The following FANCC variants were observed in gnomAD, a reference collection of about 807,000 sequenced individuals.
The protein encoded by FANCC is FA complementation group C.
Under a neutral mutation model 71.3 loss-of-function variants are expected in FANCC, and 55 were observed. That is an observed-to-expected ratio of 0.77 (90% confidence interval 0.62 to 0.97). The LOEUF is 0.97. Among genes scored for constraint, FANCC ranks in the 50% least tolerant of loss-of-function variants. The pLI is 0.00. For missense variants in FANCC, 678 were observed against 670.9 expected, an observed-to-expected ratio of 1.01 and a Z score of -0.12; for synonymous variants, 275 against 244.9, an observed-to-expected ratio of 1.12 and a Z score of -1.15.
chr9:95,317,662 G>A lies in FANCC; in HGVS notation c.-215C>T, dbSNP rs1173057501. ...GTTTTTTTGGAATTTTCCCGCGGTC[G>A]CCCGGCAGTGGAGCCGCGCGCGCGC... On this transcript the variant is annotated 5_prime_UTR_variant, in exon 1 of 15. Transcript: ENST00000289081. 2 of 152,208 alleles carry A rather than the reference G, an allele frequency of 1.3e-5. No homozygotes were observed. Among genetic ancestry groups the A allele is most frequent in the South Asian group, 2.1e-4 (1 of 4,838 alleles). 9.4% of individuals were successfully genotyped at this position (152,208 alleles called of 1,614,324 possible).
intron 4 of FANCC, among the ~76,000 whole-genome samples, chr9:95,215,136 G>T (rs1828777759): frequency 6.6e-6 from 1 of 152,146 alleles, no homozygotes; most frequent in Non-Finnish European, 1.5e-5. Context: ...AAACTTACCA[G>T]TTCAAAGACA....
intron 3 of FANCC, 72 bp downstream of exon 3, chr9:95,247,360 T>A: frequency 9.0e-7 from 1 of 1,107,618 alleles, no homozygotes; most frequent in Non-Finnish European, 1.4e-6. Flanking sequence ...GAAAGGTTCA[T>A]AATGTAAGCC....
In FANCC at chr9:95,149,954, A is replaced by G; in HGVS notation, c.655T>C (p.Phe219Leu). The G allele has an allele frequency of 6.2e-7, 1 of 1,610,852 alleles. No individual in the cohort carries two copies. The highest frequency in any genetic ancestry group is 8.5e-7 in the Non-Finnish European group (1 of 1,178,646). The part of the protein sequence containing the change: ...REPQEILQPE[F>L]FEAVNEAILL... ...ATGGCCTCGTTTACAGCCTCAAAGA[A>G]CTCTGGCTGGAGGATTTCCTGAGGT... The change falls in exon 7 of 15, where the codon TTC becomes CTC. Residue 219 changes from phenylalanine (F) to leucine (L), a missense_variant. Transcript: ENST00000289081.
chr9:95,300,881 C>T (rs971487085), intron 1 of FANCC, among the ~76,000 whole-genome samples: 5 of 152,204 alleles, frequency 3.3e-5, no homozygotes, highest in Middle Eastern at 3.4e-3. Flanking sequence ...AAGATAACTC[C>T]GCAGCAGGCC....
At chr9:95,291,023 C>A (rs917119886) in intron 1 of FANCC, among the ~76,000 whole-genome samples, 1 of 152,022 alleles carries the variant, frequency 6.6e-6, no homozygotes, top group Admixed American at 6.5e-5. Flanking sequence ...TGACAAAATT[C>A]GACATCTTTC....
intron 1 of FANCC, among the ~76,000 whole-genome samples, chr9:95,278,804 G>A (rs567212322): frequency 3.0e-3 from 16 of 5,406 alleles, no homozygotes; most frequent in East Asian, 0.021. Flanking sequence ...ATTATTCTAC[G>A]GCAAACTCTA....
rs71366277 is a variant in FANCC at position 95,161,842 on chromosome 9, C to CTT, written c.521+9235_521+9236dup. 1.5e-3 allele frequency among the ~76,000 whole-genome samples: 168 copies of CTT among 110,748 alleles called. 2 individuals carry two copies. The highest frequency in any genetic ancestry group is 4.9e-3 in the African/African-American group (153 of 31,436). The allele number at this position is 110,748 out of a possible 152,430, so 72.7% of individuals were successfully genotyped here. ...TTCTACTTTCTGCTTCTTTTCTTTTCTTTTTTTTTTTTTTTTTGAGACATA... is the reference window on the plus strand; with the variant it reads ...TTCTACTTTCTGCTTCTTTTCTTTTCTTTTTTTTTTTTTTTTTTTGAGACATA... On this transcript the variant is annotated intron_variant, in intron 6 of 14. Transcript: ENST00000289081.
At chr9:95,234,398 A>G (rs1830179897) in intron 4 of FANCC, among the ~76,000 whole-genome samples, 1 of 152,248 alleles carries the variant, frequency 6.6e-6, no homozygotes, top group Non-Finnish European at 1.5e-5. Flanking sequence ...GTGGCCATTG[A>G]GATTCTCACC....
chr9:95,171,894 A>G (rs964922391), intron 5 of FANCC, 143 bp downstream of exon 5: 5 of 660,188 alleles, frequency 7.6e-6, no homozygotes, highest in Admixed American at 2.4e-5. Context: ...GTACATGGCC[A>G]TAAGTCTGCC....
At chr9:95,286,553 A>G (rs940194799) in intron 1 of FANCC, among the ~76,000 whole-genome samples, 1 of 152,250 alleles carries the variant, frequency 6.6e-6, no homozygotes, top group Non-Finnish European at 1.5e-5. Context: ...AATCTTTGAA[A>G]CATTTTATAG....
chr9:95,204,672 T>C (rs1005023888), intron 4 of FANCC, among the ~76,000 whole-genome samples: 4 of 152,196 alleles, frequency 2.6e-5, no homozygotes, highest in Admixed American at 6.5e-5. Context: ...ACTCCAAATG[T>C]TGACTTCGAA....
chr9:95,179,323 T>C (rs1234512884), intron 4 of FANCC, among the ~76,000 whole-genome samples: 2 of 152,240 alleles, frequency 1.3e-5, no homozygotes, highest in African/African-American at 2.4e-5. Flanking sequence ...CATTAAAATC[T>C]GGATTTAAAA....
Position 95,197,451 on chromosome 9 carries a change from A to G in FANCC, c.346-25304T>C, listed in dbSNP as rs530342389. 4.6e-5 allele frequency among the ~76,000 whole-genome samples: 7 copies of G among 152,232 alleles called. No individual in the cohort carries two copies. In the South Asian group the frequency reaches 1.5e-3, roughly 32 times the overall value. ...CTACTTGAGAAGCTGAGGTTGGAGGACTGCTTGGGTCTGGGAGGTCAAGGC... is the reference window on the plus strand; with the variant it reads ...CTACTTGAGAAGCTGAGGTTGGAGGGCTGCTTGGGTCTGGGAGGTCAAGGC... On this transcript the variant is annotated intron_variant, in intron 4 of 14. Transcript: ENST00000289081.
intron 1 of FANCC, among the ~76,000 whole-genome samples, chr9:95,252,020 G>C (rs1250986012): frequency 6.6e-6 from 1 of 152,186 alleles, no homozygotes; most frequent in East Asian, 1.9e-4. Flanking sequence ...GCTCACACCT[G>C]TAATCCCAGA....
intron 1 of FANCC, among the ~76,000 whole-genome samples, chr9:95,275,661 A>C (rs1172905871): frequency 6.6e-6 from 1 of 152,178 alleles, no homozygotes; most frequent in Non-Finnish European, 1.5e-5. Context: ...TGCTCTAAAA[A>C]ATAGTCTATT....
At chr9:95,247,564 A>G in intron 2 of FANCC, 48 bp from the exon 3 acceptor site, 4 of 1,177,118 alleles carry the variant, frequency 3.4e-6, no homozygotes, top group Non-Finnish European at 5.1e-6. Flanking sequence ...TATGCAACTT[A>G]GAAATACTGA....
chr9:95,208,670 G>A (rs765053471), intron 4 of FANCC, among the ~76,000 whole-genome samples: 1 of 152,130 alleles, frequency 6.6e-6, no homozygotes, highest in Non-Finnish European at 1.5e-5. Context: ...TCAGGGAAAT[G>A]CAAATTAAAA....
chr9:95,273,148 G>A (rs1193119632), intron 1 of FANCC, among the ~76,000 whole-genome samples: 2 of 152,224 alleles, frequency 1.3e-5, no homozygotes, highest in Non-Finnish European at 2.9e-5. Context: ...ATGAAATGAC[G>A]TAGGCATTCT....
intron 1 of FANCC, among the ~76,000 whole-genome samples, chr9:95,298,839 G>C (rs1327551855): frequency 6.6e-6 from 1 of 152,170 alleles, no homozygotes; most frequent in African/African-American, 2.4e-5. Flanking sequence ...GTGCAGCCAA[G>C]TAATATACAA....
Sources: gnomAD v4.1 joint callset for allele counts (sites outside exome capture counted in the v4.1 genomes callset) on GRCh38, gnomAD v4.1.1 for gene constraint, MANE v1.5 for transcripts, NCBI Gene and HGNC (gene_info 2026-07-23, HGNC 2026-07-21) for gene names.